The following NTM variants were observed in gnomAD, a reference collection of about 807,000 sequenced individuals.
The protein encoded by NTM is neurotrimin.
Under a neutral mutation model 42.1 loss-of-function variants are expected in NTM, and 13 were observed. That is an observed-to-expected ratio of 0.31 (90% CI 0.20 to 0.49). The LOEUF (loss-of-function observed/expected upper bound fraction) is 0.49, where lower values mean the gene tolerates loss of function less well. NTM is among the 20% of genes least tolerant of loss of function. The pLI is 0.99. For missense variants in NTM, 373 were observed against 452.8 expected (o/e 0.82, Z 1.60); for synonymous variants, 187 against 179.2 (o/e 1.04, Z -0.35).
intron 1 of NTM, among the ~76,000 whole-genome samples, chr11:131,547,182 G>A (rs1411484874): frequency 6.6e-6 from 1 of 152,198 alleles, no homozygotes; most frequent in Non-Finnish European, 1.5e-5. Context: ...CATTCACTGG[G>A]TAGTCAGAGG....
chr11:132,285,769 C>T (rs981784878), intron 4 of NTM, among the ~76,000 whole-genome samples: 1 of 152,182 alleles, frequency 6.6e-6, no homozygotes, highest in Non-Finnish European at 1.5e-5. Flanking sequence ...TCTGCTCTGG[C>T]CATATTTACT....
intron 2 of NTM, among the ~76,000 whole-genome samples, chr11:131,983,627 C>T (rs978133044): frequency 6.6e-5 from 10 of 152,078 alleles, no homozygotes; most frequent in Non-Finnish European, 1.3e-4. Flanking sequence ...CTGCCTGCCT[C>T]GGCCTCCCAA....
intron 1 of NTM, among the ~76,000 whole-genome samples, chr11:131,864,772 G>C (rs4937664): frequency 0.17 from 26,422 of 152,230 alleles, 2,857 homozygotes; most frequent in African/African-American, 0.3. Flanking sequence ...CAACTGGTGA[G>C]AGGGAGCTTG....
At chr11:132,006,078 T>G (rs1027841055) in intron 2 of NTM, among the ~76,000 whole-genome samples, 4 of 152,180 alleles carry the variant, frequency 2.6e-5, no homozygotes, top group African/African-American at 7.2e-5. Flanking sequence ...TTAGGCATGC[T>G]TCTCTTTGGA....
At chr11:131,612,509 C>A (rs1389887412) in intron 1 of NTM, among the ~76,000 whole-genome samples, 1 of 152,130 alleles carries the variant, frequency 6.6e-6, no homozygotes, top group Non-Finnish European at 1.5e-5. Flanking sequence ...ATGTTTTCAG[C>A]CAAAGTCTAT....
chr11:132,040,397 T>C (rs1166520988), intron 2 of NTM, among the ~76,000 whole-genome samples: 2 of 152,226 alleles, frequency 1.3e-5, no homozygotes, highest in East Asian at 1.9e-4. Flanking sequence ...TAAGACACCA[T>C]TGAAAGCTGC....
At chr11:131,397,775 C>T (rs1344699060) in intron 1 of NTM, among the ~76,000 whole-genome samples, 1 of 152,162 alleles carries the variant, frequency 6.6e-6, no homozygotes, top group Non-Finnish European at 1.5e-5. Flanking sequence ...CTTCTCTTTT[C>T]CAGTCTTTGT....
intron 1 of NTM, among the ~76,000 whole-genome samples, chr11:131,789,079 G>A (rs1374117552): frequency 6.6e-6 from 1 of 152,036 alleles, no homozygotes; most frequent in Admixed American, 6.6e-5. Context: ...CTTCTGCTCT[G>A]ACAAGTGAAT....
In NTM at chr11:131,584,366, C is replaced by T. The variant is rs141141088; in HGVS notation, c.82+213478C>T. ...TATCCCAGGATCGCAGAGCAATTTA[C>T]GAAGATTAATTAGAAGCGCCTCAGA... On this transcript the variant is annotated intron_variant, in intron 1 of 8. Transcript: ENST00000683400. Among the ~76,000 whole-genome samples, 1,253 of 152,188 alleles carry T rather than the reference C, an allele frequency of 8.2e-3. 56 individuals carry two copies. Among genetic ancestry groups the T allele is most frequent in the Admixed American group, 0.075 (1,144 of 15,288 alleles).
intron 4 of NTM, among the ~76,000 whole-genome samples, chr11:132,233,045 G>A (rs1044394356): frequency 1.3e-5 from 2 of 152,170 alleles, no homozygotes; most frequent in African/African-American, 2.4e-5. Context: ...AGAGTTGAAC[G>A]TTAGGACACA....
At chr11:131,899,368 T>C (rs982959942) in intron 1 of NTM, among the ~76,000 whole-genome samples, 2 of 152,198 alleles carry the variant, frequency 1.3e-5, no homozygotes, top group African/African-American at 2.4e-5. Context: ...ACACTTTTCA[T>C]AGTATTTTTA....
intron 1 of NTM, among the ~76,000 whole-genome samples, chr11:131,688,899 C>T (rs2074287750): frequency 6.6e-6 from 1 of 152,228 alleles, no homozygotes; most frequent in Non-Finnish European, 1.5e-5. Context: ...TGCTCAGAGG[C>T]CTGTGAAGCC....
intron 1 of NTM, chr11:131,536,083 C>T (rs550239295): frequency 4.6e-5 from 7 of 152,276 alleles, no homozygotes; most frequent in East Asian, 1.9e-4. Context: ...CTGTGTTTAA[C>T]CGTATCTTCC....
intron 1 of NTM, among the ~76,000 whole-genome samples, chr11:131,601,552 A>C (rs1193347576): frequency 1.3e-5 from 2 of 151,960 alleles, no homozygotes; most frequent in Non-Finnish European, 2.9e-5. Context: ...GGGATTAGGG[A>C]CTAAAATGCT....
intron 1 of NTM, among the ~76,000 whole-genome samples, chr11:131,640,718 T>C (rs528295785): frequency 2.6e-5 from 4 of 152,180 alleles, no homozygotes; most frequent in Non-Finnish European, 1.5e-5. Flanking sequence ...TTAAAAAACC[T>C]GTAGATGTCC....
intron 1 of NTM, among the ~76,000 whole-genome samples, chr11:131,570,382 G>T (rs988817710): frequency 6.6e-6 from 1 of 152,180 alleles, no homozygotes; most frequent in Non-Finnish European, 1.5e-5. Context: ...CTCTAGAATT[G>T]ATTCACAAAT....
At chr11:131,985,985 A>C (rs1410409973) in intron 2 of NTM, among the ~76,000 whole-genome samples, 1 of 152,208 alleles carries the variant, frequency 6.6e-6, no homozygotes, top group Non-Finnish European at 1.5e-5. Flanking sequence ...TAAGCACTTA[A>C]TAAACACAGA....
chr11:131,598,778 C>CTTTCTTT (rs2060119341), intron 1 of NTM, among the ~76,000 whole-genome samples: 9 of 64,290 alleles, frequency 1.4e-4, no homozygotes, highest in Admixed American at 3.4e-4. Flanking sequence ...TTCTTTCTTT[C>CTTTCTTT]TTTCTTCTTT....
intron 1 of NTM, among the ~76,000 whole-genome samples, chr11:131,858,654 G>A (rs1481677540): frequency 3.9e-5 from 6 of 152,194 alleles, no homozygotes; most frequent in Admixed American, 3.3e-4. Context: ...TCACCTAAGC[G>A]GACACCGAGC....
Sources: gnomAD v4.1 joint callset for allele counts (sites outside exome capture counted in the v4.1 genomes callset) on GRCh38, gnomAD v4.1.1 for gene constraint, MANE v1.5 for transcripts, NCBI Gene and HGNC (gene_info 2026-07-23, HGNC 2026-07-21) for gene names.